Variants in GALNTL6 observed in about 807,000 individuals in gnomAD.
GALNTL6 encodes the protein polypeptide N-acetylgalactosaminyltransferase-like 6.
A neutral mutation model predicts 73.7 loss-of-function variants in GALNTL6; 46 were observed. The ratio of observed to expected loss-of-function variants is 0.62; its 90% CI spans 0.49 to 0.80. The LOEUF (loss-of-function observed/expected upper bound fraction) is 0.80. Ranked by LOEUF, GALNTL6 falls within the 30% of genes least tolerant of loss-of-function variation. The pLI is 0.00. For synonymous variants in GALNTL6, 259 were observed against 263.7 expected (o/e 0.98, Z 0.17); for missense variants, 604 against 755.0 (o/e 0.80, Z 2.34).
chr4:172,340,028 A>G (rs1741504273), intron 4 of GALNTL6, among the ~76,000 whole-genome samples: 2 of 152,216 alleles, frequency 1.3e-5, no homozygotes, highest in South Asian at 4.1e-4. Flanking sequence ...TGATAATCCT[A>G]TGTTGAATAG....
intron 9 of GALNTL6, among the ~76,000 whole-genome samples, chr4:172,932,547 T>C (rs979182433): frequency 1.3e-5 from 2 of 152,066 alleles, no homozygotes; most frequent in Non-Finnish European, 2.9e-5. Flanking sequence ...TACACACACC[T>C]TGAATGGAAA....
chr4:172,004,369 A>G (rs978657581), intron 2 of GALNTL6, among the ~76,000 whole-genome samples: 13 of 152,278 alleles, frequency 8.5e-5, no homozygotes, highest in South Asian at 2.1e-4. Flanking sequence ...AACAACATCA[A>G]AATGATACAG....
intron 3 of GALNTL6, among the ~76,000 whole-genome samples, chr4:172,308,280 A>C (rs760138316): frequency 1.3e-5 from 2 of 151,772 alleles, no homozygotes; most frequent in Non-Finnish European, 2.9e-5. Context: ...GAACCATGAC[A>C]GTTTCACTTC....
chr4:172,682,621 A>T (rs1732689912), intron 5 of GALNTL6, among the ~76,000 whole-genome samples: 1 of 152,290 alleles, frequency 6.6e-6, no homozygotes, highest in East Asian at 1.9e-4. Context: ...AATATTTGCT[A>T]AATTTGGCCA....
chr4:172,182,857 A>G (rs1735297792), intron 2 of GALNTL6, among the ~76,000 whole-genome samples: 1 of 152,204 alleles, frequency 6.6e-6, no homozygotes, highest in African/African-American at 2.4e-5. Context: ...AAAAGCAATC[A>G]TATCATTAGG....
intron 2 of GALNTL6, among the ~76,000 whole-genome samples, chr4:171,862,770 G>A (rs1735868398): frequency 6.6e-6 from 1 of 151,932 alleles, no homozygotes; most frequent in African/African-American, 2.4e-5. Context: ...TTTGTTAGTG[G>A]TATAGAGTCA....
intron 5 of GALNTL6, among the ~76,000 whole-genome samples, chr4:172,421,208 T>A (rs1453591402): frequency 6.6e-6 from 1 of 152,130 alleles, no homozygotes; most frequent in Non-Finnish European, 1.5e-5. Flanking sequence ...GATATCTCTA[T>A]CCCTGTCAGA....
intron 8 of GALNTL6, among the ~76,000 whole-genome samples, chr4:172,907,680 C>A (rs1432695667): frequency 1.3e-5 from 2 of 152,166 alleles, no homozygotes; most frequent in East Asian, 3.8e-4. Flanking sequence ...TGTTCCGGTC[C>A]TCCGTCCACA....
At chr4:172,631,785 A>T (rs1157518736) in intron 5 of GALNTL6, among the ~76,000 whole-genome samples, 1 of 152,220 alleles carries the variant, frequency 6.6e-6, no homozygotes, top group African/African-American at 2.4e-5. Flanking sequence ...TATAAAAGGG[A>T]TAGGTAATTT....
At chr4:172,839,259 T>C (rs1743075148) in intron 7 of GALNTL6, among the ~76,000 whole-genome samples, 1 of 152,190 alleles carries the variant, frequency 6.6e-6, no homozygotes, top group Non-Finnish European at 1.5e-5. Context: ...TGATATTTCA[T>C]AGAGGATGTA....
intron 2 of GALNTL6, among the ~76,000 whole-genome samples, chr4:172,098,333 A>G (rs570432430): frequency 1.3e-5 from 2 of 152,168 alleles, no homozygotes; most frequent in Admixed American, 6.6e-5. Flanking sequence ...ATTGGGTGGG[A>G]CAGAGTGGGG....
chr4:172,500,500 A>G (rs555081058), intron 5 of GALNTL6, among the ~76,000 whole-genome samples: 12 of 152,312 alleles, frequency 7.9e-5, no homozygotes, highest in African/African-American at 2.9e-4. Flanking sequence ...CATCCTGTAA[A>G]GGAGAACACC....
At chr4:172,756,184 A>G (rs1241024988) in intron 5 of GALNTL6, among the ~76,000 whole-genome samples, 1 of 152,238 alleles carries the variant, frequency 6.6e-6, no homozygotes, top group Non-Finnish European at 1.5e-5. Context: ...TGTTGTAAAG[A>G]AAATTGGCAC....
intron 3 of GALNTL6, among the ~76,000 whole-genome samples, chr4:172,272,873 T>C (rs1201026541): frequency 6.6e-6 from 1 of 151,946 alleles, no homozygotes; most frequent in Admixed American, 6.6e-5. Flanking sequence ...TCTTCTATAA[T>C]GTAAGAAAGA....
intron 3 of GALNTL6, among the ~76,000 whole-genome samples, chr4:172,262,347 C>T (rs1360083370): frequency 6.6e-6 from 1 of 151,200 alleles, no homozygotes; most frequent in Non-Finnish European, 1.5e-5. Context: ...TGATATTTTC[C>T]ATTTGAATTA....
At chr4:171,955,307 T>C (rs1166629868) in intron 2 of GALNTL6, among the ~76,000 whole-genome samples, 2 of 152,054 alleles carry the variant, frequency 1.3e-5, no homozygotes, top group African/African-American at 4.8e-5. Context: ...AAACCATTTT[T>C]ATTCATATAA....
At chr4:172,349,787 C>T (rs1242734947) in intron 5 of GALNTL6, among the ~76,000 whole-genome samples, 1 of 151,052 alleles carries the variant, frequency 6.6e-6, no homozygotes, top group Admixed American at 6.6e-5. Flanking sequence ...CACTGAACTC[C>T]AGCCTGGGTG....
At chr4:172,985,199 C>T (rs938645239) in intron 10 of GALNTL6, among the ~76,000 whole-genome samples, 2 of 151,912 alleles carry the variant, frequency 1.3e-5, no homozygotes, top group African/African-American at 4.8e-5. Context: ...CAAGTGCCTT[C>T]GACAATATAG....
At chr4:172,847,072 C>A (rs73871883) in intron 7 of GALNTL6, among the ~76,000 whole-genome samples, 330 of 152,190 alleles carry the variant, frequency 2.2e-3, no homozygotes, top group African/African-American at 7.4e-3. Context: ...CCTTTTTATT[C>A]ATTGGCATGG....
Sources: gnomAD v4.1 joint callset for allele counts (sites outside exome capture counted in the v4.1 genomes callset) on GRCh38, gnomAD v4.1.1 for gene constraint, MANE v1.5 for transcripts, NCBI Gene and HGNC (gene_info 2026-07-23, HGNC 2026-07-21) for gene names.